OGG1: variants seen among roughly 807,000 people sequenced by gnomAD.
OGG1 encodes the protein N-glycosylase/DNA lyase.
In OGG1, 35 loss-of-function variants were observed where a neutral mutation model predicts 42.3. That is an observed-to-expected ratio of 0.83 (90% CI 0.63 to 1.10). The LOEUF is 1.10. Ranked by LOEUF, OGG1 falls within the 50% of genes least tolerant of loss-of-function variation. OGG1 has a pLI of 0.00. For synonymous variants in OGG1, 189 were observed against 179.0 expected (o/e 1.06, Z -0.44); for missense variants, 484 against 446.7 (o/e 1.08, Z -0.75).
chr3:9,761,214 A>G (rs552340744), downstream of OGG1: 112 of 449,848 alleles, frequency 2.5e-4, no homozygotes, highest in African/African-American at 2.0e-3. Flanking sequence ...TACTAGAAAG[A>G]AAGTCAGCTC....
intron 7 of OGG1, among the ~76,000 whole-genome samples, chr3:9,764,611 GTTTTTGTTTTTTTTTTGT>G (rs1381153835): frequency 1.6e-5 from 2 of 125,150 alleles, no homozygotes; most frequent in South Asian, 2.8e-4. Flanking sequence ...TGCGCCTGGC[GTTTTTGTTTTTTTTTTGT>G]TTTTTTTTTT....
chr3:9,766,569 G>A, exon 8 of OGG1: 1 of 798,242 alleles, frequency 1.3e-6, no homozygotes, highest in South Asian at 2.1e-5. Flanking sequence ...ATCCTCAGGT[G>A]ATTTGTATGC....
At chr3:9,787,371 G>A (rs1350522735) in intron 3 of OGG1, 1 of 1,579,326 alleles carries the variant, frequency 6.3e-7, no homozygotes, top group Non-Finnish European at 8.6e-7. Context: ...AACCCTGAGT[G>A]GGTAAGCACT....
At chr3:9,753,571 G>A (rs1345165630) in intron 3 of OGG1, among the ~76,000 whole-genome samples, 64 of 148,790 alleles carry the variant, frequency 4.3e-4, no homozygotes, top group Non-Finnish European at 1.2e-4. Context: ...GGAGAATGGC[G>A]TGAACCCGGG....
intron 3 of OGG1, chr3:9,783,469 C>G (rs1575296050): frequency 6.6e-6 from 1 of 151,988 alleles, no homozygotes; most frequent in South Asian, 2.1e-4. Flanking sequence ...TATATTATGC[C>G]TTTACCATAA....
rs377606064 is a variant in OGG1 at position 9,785,366 on chromosome 3, T to C, written c.383-2362T>C. The C allele has an allele frequency of 5.9e-5, 96 of 1,614,028 alleles. 1 individual carries two copies. The East Asian group carries it at 1.4e-3, about 24-fold the overall frequency. Reference sequence around the variant, plus strand: ...GGGAGGTGCTTGCCCCGTCAGCCCCTGATTCTTTCCCAGACATGTCAGGAA... The same window carrying C: ...GGGAGGTGCTTGCCCCGTCAGCCCCCGATTCTTTCCCAGACATGTCAGGAA... On this transcript the variant is annotated intron_variant, in intron 3 of 3. Coordinates refer to the OGG1 transcript ENST00000426518.
In OGG1 at chr3:9,750,448, T is replaced by G. The variant is rs757447256; in HGVS notation, c.137+25T>G. On this transcript the variant is annotated intron_variant, in intron 1 of 6. Coordinates refer to ENST00000344629, the MANE Select transcript of OGG1 (RefSeq NM_002542.6). The stretch of plus-strand genomic sequence containing the variant: ...GGTGAGTGACTGAGCCTGAGAAGCC[T>G]GTCCCCTCGGACTGGCTCCTGCCGC... The G allele has an allele frequency of 1.4e-5, 23 of 1,613,194 alleles. No individual in the cohort carries two copies. In the South Asian group the frequency reaches 2.5e-4, roughly 18 times the overall value.
chr3:9,778,132 A>T (rs1184723891), intron 2 of OGG1, among the ~76,000 whole-genome samples: 8 of 152,230 alleles, frequency 5.3e-5, no homozygotes, highest in Admixed American at 5.2e-4. Flanking sequence ...CTACCCCATA[A>T]TATTAGGTAG....
At chr3:9,761,674 C>G (rs746152391), downstream of OGG1, 2 of 1,614,136 alleles carry the variant, frequency 1.2e-6, no homozygotes, top group Admixed American at 1.7e-5. Context: ...GCACACTGCC[C>G]GGGTCCTCCA....
chr3:9,770,574 T>C (rs561016651), downstream of OGG1, among the ~76,000 whole-genome samples: 11 of 152,006 alleles, frequency 7.2e-5, no homozygotes, highest in Middle Eastern at 6.8e-3. Flanking sequence ...CCTAGAGGTA[T>C]TGGGGGCAGA....
At chr3:9,781,755 C>T (rs779069451) in intron 3 of OGG1, among the ~76,000 whole-genome samples, 1 of 151,782 alleles carries the variant, frequency 6.6e-6, no homozygotes, top group Non-Finnish European at 1.5e-5. Flanking sequence ...TAAGGCCTTG[C>T]AGCTGCTCTG....
chr3:9,776,649 A>G (rs931235187), intron 2 of OGG1, among the ~76,000 whole-genome samples: 2 of 152,062 alleles, frequency 1.3e-5, no homozygotes, highest in African/African-American at 4.8e-5. Flanking sequence ...TCGGCCTCCC[A>G]AAGTGCTGGG....
Position 9,785,323 on chromosome 3 carries a change from G to A in OGG1, c.383-2405G>A, listed in dbSNP as rs1443647296. 6.2e-7 allele frequency: 1 copy of A among 1,613,518 alleles called. No individual in the cohort carries two copies. Among genetic ancestry groups the A allele is most frequent in the Admixed American group, 1.7e-5 (1 of 59,986 alleles). Reference sequence around the variant, plus strand: ...GGATAGGACACCACTCACCTGAAGGGCTTGTTCTGATTGCGAGGGGAGGTG... The same window carrying A: ...GGATAGGACACCACTCACCTGAAGGACTTGTTCTGATTGCGAGGGGAGGTG... On this transcript the variant is annotated intron_variant, in intron 3 of 3. Coordinates refer to the OGG1 transcript ENST00000426518.
chr3:9,770,319 G>A (rs2078273777), downstream of OGG1, among the ~76,000 whole-genome samples: 1 of 152,134 alleles, frequency 6.6e-6, no homozygotes, highest in Admixed American at 6.5e-5. Flanking sequence ...CCTCCCTTAG[G>A]GCTCTGTCTC....
chr3:9,754,276 T>A, intron 3 of OGG1, among the ~76,000 whole-genome samples: 1 of 152,242 alleles, frequency 6.6e-6, no homozygotes, highest in East Asian at 1.9e-4. Context: ...ACAGCAGTAC[T>A]GTCAGTGGGG....
At chr3:9,759,022 T>A, downstream of OGG1, 1 of 685,700 alleles carries the variant, frequency 1.5e-6, no homozygotes, top group Non-Finnish European at 2.7e-6. Context: ...CTCTGTGGCA[T>A]ATGAGGCCCT....
intron 2 of OGG1, among the ~76,000 whole-genome samples, chr3:9,779,165 G>T (rs540424349): frequency 1.3e-5 from 2 of 152,212 alleles, no homozygotes; most frequent in African/African-American, 4.8e-5. Context: ...TTCCTACTCA[G>T]ATCTTGTTGG....
chr3:9,765,996 T>G (rs893902865), exon 8 of OGG1: 17 of 1,614,182 alleles, frequency 1.1e-5, no homozygotes, highest in Non-Finnish European at 1.4e-5. Flanking sequence ...ACCAAGGACG[T>G]GGATGACCCT....
chr3:9,767,748 A>G (rs1395185978), downstream of OGG1: 5 of 1,613,940 alleles, frequency 3.1e-6, no homozygotes. Context: ...TGCCCCCAGC[A>G]TGGCCCACTG....
Sources: gnomAD v4.1 joint callset for allele counts (sites outside exome capture counted in the v4.1 genomes callset) on GRCh38, gnomAD v4.1.1 for gene constraint, MANE v1.5 for transcripts, NCBI Gene and HGNC (gene_info 2026-07-23, HGNC 2026-07-21) for gene names.